ZBTB20: variants seen among roughly 807,000 people sequenced by gnomAD.
ZBTB20 encodes zinc finger and BTB domain-containing protein 20.
A neutral mutation model predicts 56.9 loss-of-function variants in ZBTB20; 9 were observed. That is an observed-to-expected ratio of 0.16 (90% confidence interval 0.10 to 0.28). The LOEUF is 0.28. ZBTB20 is among the 10% of genes least tolerant of loss of function. The pLI is 1.00. For missense variants in ZBTB20, 655 were observed against 1,003.0 expected (o/e 0.65, Z 4.69); for synonymous variants, 417 against 420.7 (o/e 0.99, Z 0.11).
chr3:114,553,481 A>G (rs916269368), intron 6 of ZBTB20, among the ~76,000 whole-genome samples: 3 of 152,188 alleles, frequency 2.0e-5, no homozygotes, highest in Admixed American at 6.6e-5. Flanking sequence ...ATTTACTACA[A>G]GTATACTGGG....
At chr3:115,088,693 A>G (rs1376598724) in intron 1 of ZBTB20, among the ~76,000 whole-genome samples, 1 of 151,884 alleles carries the variant, frequency 6.6e-6, no homozygotes, top group Non-Finnish European at 1.5e-5. Flanking sequence ...CTGTCATTTT[A>G]TACTATGAGG....
intron 2 of ZBTB20, among the ~76,000 whole-genome samples, chr3:114,980,716 T>C (rs1014684756): frequency 6.6e-6 from 1 of 151,902 alleles, no homozygotes; most frequent in African/African-American, 2.4e-5. Flanking sequence ...AAAATATTAA[T>C]AATTTTGAAA....
At chr3:114,734,476 G>T (rs2108558797) in intron 5 of ZBTB20, among the ~76,000 whole-genome samples, 1 of 151,900 alleles carries the variant, frequency 6.6e-6, no homozygotes, top group East Asian at 1.9e-4. Flanking sequence ...TTCACTTATT[G>T]CCATCCATAG....
intron 4 of ZBTB20, among the ~76,000 whole-genome samples, chr3:114,843,167 C>G (rs1445788873): frequency 6.6e-6 from 1 of 152,138 alleles, no homozygotes; most frequent in African/African-American, 2.4e-5. Flanking sequence ...AATTAAGCCT[C>G]TTTTCTTTAT....
chr3:114,639,165 T>G (rs1196018164), intron 6 of ZBTB20, among the ~76,000 whole-genome samples: 1 of 152,114 alleles, frequency 6.6e-6, no homozygotes, highest in Non-Finnish European at 1.5e-5. Context: ...AGAAGCTATT[T>G]TCAAGGCTTC....
chr3:114,349,573 C>T (rs2080474214), intron 11 of ZBTB20, among the ~76,000 whole-genome samples: 1 of 152,164 alleles, frequency 6.6e-6, no homozygotes, highest in African/African-American at 2.4e-5. Context: ...GATATTAGAG[C>T]AGATCTGATT....
At chr3:114,637,663 T>C (rs2059347828) in intron 6 of ZBTB20, among the ~76,000 whole-genome samples, 1 of 152,084 alleles carries the variant, frequency 6.6e-6, no homozygotes, top group South Asian at 2.1e-4. Flanking sequence ...GTACTTACTA[T>C]GATTCAATAA....
intron 6 of ZBTB20, among the ~76,000 whole-genome samples, chr3:114,626,053 T>G (rs2058644182): frequency 1.3e-5 from 2 of 152,130 alleles, no homozygotes. Context: ...TGATGTAGAA[T>G]AAAACAGCAT....
rs2078708987 is a variant in ZBTB20, at chr3:114,316,967, T to G, written c.*22038A>C. The G allele has an allele frequency of 5.4e-6, 1 of 185,442 alleles. No individual in the cohort carries two copies. The highest frequency in any genetic ancestry group is 1.1e-5 in the Non-Finnish European group (1 of 87,732). The allele number at this position is 185,442 out of a possible 1,614,324, so 11.5% of individuals were successfully genotyped here. A position where few individuals can be genotyped will look rare whatever the true frequency, so the allele number is the denominator to read the frequency against. On this transcript the variant is annotated 3_prime_UTR_variant, in exon 12 of 12. Coordinates refer to ENST00000675478, the MANE Select transcript of ZBTB20 (RefSeq NM_001348800.3). ...AAGTATTGTGTTTACGTATCAAAAT[T>G]GCTAACTTTGACTATAATGGACTTG... is the stretch of plus-strand genomic sequence containing the variant.
Position 114,487,073 on chromosome 3 carries a change from T to C in ZBTB20, c.-255+13279A>G, listed in dbSNP as rs547677959. ...AGCATGACTCCTTAAACAAGTAGGA[T>C]GCGTGTATGTGGAAGATATATATAT... On this transcript the variant is annotated intron_variant, in intron 7 of 11. Transcript: ENST00000675478. Among the ~76,000 whole-genome samples, 5 of 152,284 alleles carry C rather than the reference T, an allele frequency of 3.3e-5. No homozygotes were observed. In the South Asian group the frequency reaches 1.0e-3, roughly 32 times the overall value.
chr3:115,131,859 C>G lies in ZBTB20; in HGVS notation c.-703+15360G>C, dbSNP rs377197828. The stretch of plus-strand genomic sequence containing the variant: ...ATTTAAAAAATCCATCATTTTCCAA[C>G]TAAGTTGTCATCTTTTTCAGAATTT... On this transcript the variant is annotated intron_variant, in intron 1 of 11. Transcript: ENST00000675478. 1.3e-4 allele frequency among the ~76,000 whole-genome samples: 20 copies of G among 152,276 alleles called. No homozygotes were observed. The South Asian group carries it at 2.3e-3, about 17-fold the overall frequency.
intron 1 of ZBTB20, among the ~76,000 whole-genome samples, chr3:115,077,277 C>T (rs184818182): frequency 7.2e-5 from 11 of 152,164 alleles, no homozygotes; most frequent in Admixed American, 3.3e-4. Context: ...CAAATTCATA[C>T]GTTGAAACTT....
At chr3:114,652,967 C>A (rs1406053753) in intron 6 of ZBTB20, among the ~76,000 whole-genome samples, 2 of 151,862 alleles carry the variant, frequency 1.3e-5, no homozygotes, top group Admixed American at 1.3e-4. Context: ...TACATAAATG[C>A]AATCAATTTT....
chr3:114,973,045 A>G (rs1246118669), intron 3 of ZBTB20, among the ~76,000 whole-genome samples: 1 of 152,212 alleles, frequency 6.6e-6, no homozygotes, highest in Admixed American at 6.5e-5. Context: ...AATAAAAAGA[A>G]CAGCAGAAAT....
At chr3:115,049,137 AG>A (rs2081447720) in intron 2 of ZBTB20, among the ~76,000 whole-genome samples, 1 of 152,056 alleles carries the variant, frequency 6.6e-6, no homozygotes, top group Non-Finnish European at 1.5e-5. Flanking sequence ...CATGTCCTGT[AG>A]GAAGTCTTCC....
In ZBTB20 at chr3:114,947,943, C is replaced by T. The variant is rs1373475727; in HGVS notation, c.-456+26423G>A. Among the ~76,000 whole-genome samples the T allele has an allele frequency of 3.4e-5, 5 of 145,300 alleles. 1 individual carries two copies. The highest frequency in any genetic ancestry group is 5.6e-5 in the African/African-American group (2 of 35,512). ...TCCAAGGGTAGAAATAGAGGGAATA[C>T]ATCCGAACTCATTTTATGAGAATAA... On this transcript the variant is annotated intron_variant, in intron 3 of 11. Transcript: ENST00000675478.
At chr3:114,917,032 G>A (rs2075771609) in intron 3 of ZBTB20, among the ~76,000 whole-genome samples, 1 of 151,976 alleles carries the variant, frequency 6.6e-6, no homozygotes. Context: ...TTGCCCTGTT[G>A]AGTATCTTGT....
chr3:114,501,782 C>T (rs1431738282), intron 6 of ZBTB20, among the ~76,000 whole-genome samples: 6 of 145,076 alleles, frequency 4.1e-5, no homozygotes, highest in Non-Finnish European at 9.0e-5. Context: ...GATCTTGGCT[C>T]ACTGCAACCT....
intron 6 of ZBTB20, among the ~76,000 whole-genome samples, chr3:114,569,385 T>C (rs2110354767): frequency 6.6e-6 from 1 of 152,330 alleles, no homozygotes; most frequent in East Asian, 1.9e-4. Context: ...ATCAGGAAAC[T>C]CAAGTTTTAG....
Sources: gnomAD v4.1 joint callset for allele counts (sites outside exome capture counted in the v4.1 genomes callset) on GRCh38, gnomAD v4.1.1 for gene constraint, MANE v1.5 for transcripts, NCBI Gene and HGNC (gene_info 2026-07-23, HGNC 2026-07-21) for gene names.